Variants in SYTL5 observed in about 807,000 individuals in gnomAD.
SYTL5 encodes synaptotagmin-like protein 5.
A neutral mutation model predicts 55.9 loss-of-function variants in SYTL5; 34 were observed. The observed-to-expected ratio is 0.61, with a 90% CI of 0.46 to 0.81. The LOEUF is 0.81. Ranked by LOEUF, SYTL5 falls within the 30% of genes least tolerant of loss-of-function variation. The pLI is 0.00. For synonymous variants in SYTL5, 221 were observed against 188.7 expected (o/e 1.17, Z -1.40); for missense variants, 637 against 546.7 (o/e 1.17, Z -1.65).
the SYTL5 span, among the ~76,000 whole-genome samples, chrX:37,957,115 G>C: frequency 2.4e-5 from 2 of 84,938 alleles, no homozygotes; most frequent in Admixed American, 2.9e-4. Context: ...CACAGTTTTT[G>C]CTCACTTTTT....
the SYTL5 span, among the ~76,000 whole-genome samples, chrX:37,960,333 A>T: frequency 9.9e-6 from 1 of 100,883 alleles, no homozygotes; most frequent in Non-Finnish European, 2.1e-5. Context: ...TTTCATTTTA[A>T]TTACAAATTC....
chrX:38,052,800 A>AT (rs1005678273), intron 2 of SYTL5, among the ~76,000 whole-genome samples: 7 of 110,435 alleles, frequency 6.3e-5, no homozygotes, highest in African/African-American at 2.0e-4. Context: ...ATGATTCTCA[A>AT]TTTTTTTTTC....
At chrX:37,941,120 T>A in the SYTL5 span, among the ~76,000 whole-genome samples, 1 of 111,827 alleles carries the variant, frequency 8.9e-6, no homozygotes. Flanking sequence ...GACAATTAAA[T>A]ACAGATTTAG....
intron 9 of SYTL5, 30 bp from the exon 10 acceptor site, chrX:38,102,312 A>T: frequency 9.9e-7 from 1 of 1,013,278 alleles, no homozygotes; most frequent in Non-Finnish European, 1.4e-6. Flanking sequence ...CAAATCAACC[A>T]ACCCACTGAT....
chrX:37,989,261 C>T, the SYTL5 span, among the ~76,000 whole-genome samples: 1 of 111,772 alleles, frequency 8.9e-6, no homozygotes, highest in African/African-American at 3.3e-5. Context: ...AGCCTCTTGT[C>T]TAATGGCATG....
chrX:38,031,885 G>C (rs1934963106), intron 1 of SYTL5, among the ~76,000 whole-genome samples: 1 of 112,279 alleles, frequency 8.9e-6, no homozygotes, highest in Non-Finnish European at 1.9e-5. Context: ...AAGATGGAGG[G>C]AAGACCTGGA....
chrX:38,121,975 A>C, intron 14 of SYTL5, 105 bp from the exon 15 acceptor site: 1 of 794,990 alleles, frequency 1.3e-6, no homozygotes, highest in Non-Finnish European at 1.7e-6. Flanking sequence ...AGCAAATGAA[A>C]TATATGTTTG....
At chrX:38,073,787 A>C in intron 5 of SYTL5, 89 bp downstream of exon 5, 1 of 571,264 alleles carries the variant, frequency 1.8e-6, no homozygotes, top group Admixed American at 3.8e-5. Context: ...GTTTGATGTC[A>C]CTTCAATGAC....
chrX:37,995,268 C>G, the SYTL5 span, among the ~76,000 whole-genome samples: 747 of 111,368 alleles, frequency 6.7e-3, 9 homozygotes, highest in African/African-American at 0.023. Flanking sequence ...TTCAGGATAA[C>G]AAAGGTCTGA....
intron 6 of SYTL5, among the ~76,000 whole-genome samples, chrX:38,081,964 G>A (rs1007648547): frequency 3.5e-4 from 39 of 111,489 alleles, no homozygotes; most frequent in African/African-American, 1.1e-3. Context: ...AGGCAAATGG[G>A]CAGGGACACT....
intron 12 of SYTL5, among the ~76,000 whole-genome samples, chrX:38,109,112 TTTG>T (rs1937293813): frequency 8.9e-6 from 1 of 112,157 alleles, no homozygotes; most frequent in African/African-American, 3.2e-5. Context: ...GTCTATACTG[TTTG>T]TTGTTAGGAT....
At chrX:37,937,591 ACT>A in the SYTL5 span, among the ~76,000 whole-genome samples, 10 of 112,090 alleles carry the variant, frequency 8.9e-5, no homozygotes, top group African/African-American at 3.2e-4. Context: ...ATCTTGTGAA[ACT>A]CAGCAGAAAA....
chrX:37,914,080 C>T, the SYTL5 span, among the ~76,000 whole-genome samples: 27 of 111,588 alleles, frequency 2.4e-4, no homozygotes, highest in Admixed American at 6.6e-4. Context: ...CTGATAATTC[C>T]AACTATTGTA....
chrX:38,008,087 GA>G (rs1330643905), intron 1 of SYTL5, among the ~76,000 whole-genome samples: 1 of 111,175 alleles, frequency 9.0e-6, no homozygotes, highest in Non-Finnish European at 1.9e-5. Flanking sequence ...TTAAGGGAAG[GA>G]AAAGGAAATG....
intron 2 of SYTL5, among the ~76,000 whole-genome samples, chrX:38,037,860 G>A (rs1204807020): frequency 9.1e-6 from 1 of 110,399 alleles, no homozygotes; most frequent in South Asian, 3.8e-4. Context: ...TAAAGAATTG[G>A]CTCATATGAT....
At chrX:38,003,547 C>T (rs780302665), upstream of SYTL5, among the ~76,000 whole-genome samples, 4 of 111,262 alleles carry the variant, frequency 3.6e-5, no homozygotes, top group South Asian at 1.5e-3. Flanking sequence ...TCAAGGAGAA[C>T]TACAAACCAC....
chrX:37,923,548 C>T, the SYTL5 span, among the ~76,000 whole-genome samples: 4 of 109,169 alleles, frequency 3.7e-5, no homozygotes, highest in Admixed American at 9.9e-5. Context: ...GAATGGCATA[C>T]ATATACGTAT....
chrX:38,030,369 C>A (rs1183418931), intron 1 of SYTL5, among the ~76,000 whole-genome samples: 1 of 111,797 alleles, frequency 8.9e-6, no homozygotes, highest in Non-Finnish European at 1.9e-5. Flanking sequence ...ATGAGGAAAA[C>A]AAGTTTTTCC....
At chrX:38,118,922 T>TATATATATATATATGTACGCATATAC (rs1219129229) in intron 13 of SYTL5, among the ~76,000 whole-genome samples, 6 of 656 alleles carry the variant, frequency 9.1e-3, no homozygotes, top group African/African-American at 0.013. Context: ...GCCCAGCTAA[T>TATATATATATATATGTACGCATATAC]ATATATATAT....
Sources: allele counts gnomAD v4.1 joint callset (sites outside exome capture counted in the v4.1 genomes callset), GRCh38; gene constraint gnomAD v4.1.1; transcripts MANE v1.5; gene names NCBI Gene and HGNC (gene_info 2026-07-23, HGNC 2026-07-21).